Variants in BRIP1 observed in about 807,000 individuals in gnomAD.
BRIP1 encodes the protein BRCA1 interacting DNA helicase 1, also known as Fanconi anemia group J protein.
In BRIP1, 88 loss-of-function variants were observed where a neutral mutation model predicts 119.7. The observed-to-expected ratio is 0.74, with a 90% CI of 0.62 to 0.88. The LOEUF is 0.88. Among genes scored for constraint, BRIP1 ranks in the 40% least tolerant of loss-of-function variants. BRIP1 has a pLI of 0.00. For synonymous variants in BRIP1, 443 were observed against 496.5 expected (o/e 0.89, Z 1.43); for missense variants, 1,259 against 1,455.4 (o/e 0.87, Z 2.20).
rs1345765810 is a variant in BRIP1 at position 61,756,443 on chromosome 17, A to G, written c.2098-11852T>C. 1.3e-5 allele frequency among the ~76,000 whole-genome samples: 2 copies of G among 152,214 alleles called. No homozygotes were observed. The highest frequency in any genetic ancestry group is 2.1e-4 in the South Asian group (1 of 4,828). On this transcript the variant is annotated intron_variant, in intron 14 of 19. Transcript: ENST00000259008. The surrounding 1 kb of genome is among the most constrained non-coding windows in gnomAD (Gnocchi z 4.3). ...CTCATAAAGGGTAAATACTATTCATATAGGGAGACCAGCCAACATATAGTG... is the reference window on the plus strand; with the variant it reads ...CTCATAAAGGGTAAATACTATTCATGTAGGGAGACCAGCCAACATATAGTG...
chr17:61,750,220 G>GA (rs1209256698), intron 14 of BRIP1, among the ~76,000 whole-genome samples: 21 of 152,266 alleles, frequency 1.4e-4, no homozygotes, highest in Non-Finnish European at 2.6e-4. Flanking sequence ...TTTGTATCAT[G>GA]AAAGTGTGCT....
In BRIP1 at chr17:61,841,050, A is replaced by G. The variant is rs1375272732; in HGVS notation, c.627+6051T>C. Among the ~76,000 whole-genome samples, 2 of 152,174 alleles carry G rather than the reference A, an allele frequency of 1.3e-5. No homozygotes were observed. The highest frequency in any genetic ancestry group is 4.8e-5 in the African/African-American group (2 of 41,458). The stretch of plus-strand genomic sequence containing the variant: ...AGGAAAAAACTAGATCCCTCTCACC[A>G]TCTACAAAAACCAACTCAAAATAGA... On this transcript the variant is annotated intron_variant, in intron 6 of 19. Coordinates refer to ENST00000259008, the MANE Select transcript of BRIP1 (RefSeq NM_032043.3). The surrounding 1 kb of genome is among the most constrained non-coding windows in gnomAD (Gnocchi z 4.1).
At chr17:61,733,827 A>C (rs1035142933) in intron 16 of BRIP1, among the ~76,000 whole-genome samples, 2 of 148,596 alleles carry the variant, frequency 1.3e-5, no homozygotes, top group Admixed American at 6.7e-5. Flanking sequence ...ACCCACAAAT[A>C]TAAAATTTAT....
At position 61,857,361 on chromosome 17, in the gene BRIP1, G is replaced by T; in HGVS notation, c.206-130C>A. On this transcript the variant is annotated intron_variant, in intron 3 of 19. Coordinates refer to ENST00000259008, the MANE Select transcript of BRIP1 (RefSeq NM_032043.3). The surrounding 1 kb of genome is among the most constrained non-coding windows in gnomAD (Gnocchi z 5.1). ...GATTTTTAGGGCTAACACCAGGAAG[G>T]TACCTGGCAAACCTGGACAAGCTGG... 1 of 784,296 alleles carries T rather than the reference G, an allele frequency of 1.3e-6. No homozygotes were observed. Among genetic ancestry groups the T allele is most frequent in the Non-Finnish European group, 2.0e-6 (1 of 509,998 alleles). The allele number at this position is 784,296 out of a possible 1,614,324, so 48.6% of individuals were successfully genotyped here. A position where few individuals can be genotyped will look rare whatever the true frequency, so the allele number is the denominator to read the frequency against.
chr17:61,820,959 A>AAAAG (rs1429381717), intron 6 of BRIP1, among the ~76,000 whole-genome samples: 1 of 149,620 alleles, frequency 6.7e-6, no homozygotes, highest in Non-Finnish European at 1.5e-5. Context: ...TAAAAAAAAA[A>AAAAG]AAAGAAAGAA....
rs1429470561 is a variant in BRIP1 at position 61,852,647 on chromosome 17, G to A, written c.380-3391C>T. Among the ~76,000 whole-genome samples the A allele has an allele frequency of 2.0e-5, 3 of 152,062 alleles. No individual in the cohort carries two copies. The highest frequency in any genetic ancestry group is 7.2e-5 in the African/African-American group (3 of 41,414). On this transcript the variant is annotated intron_variant, in intron 4 of 19. Transcript: ENST00000259008. The surrounding 1 kb of genome is among the most constrained non-coding windows in gnomAD (Gnocchi z 4.9). ...CGCACCACTGCACTCTAGCCTGAGC[G>A]ACAGAGTGAGACCCCACCTCAAATA... is the stretch of plus-strand genomic sequence containing the variant.
intron 11 of BRIP1, among the ~76,000 whole-genome samples, chr17:61,782,118 G>A (rs1254226426): frequency 2.6e-5 from 4 of 151,872 alleles, no homozygotes; most frequent in Non-Finnish European, 5.9e-5. Flanking sequence ...GGGTGCGATG[G>A]CTCACGCCTG....
In BRIP1 at chr17:61,693,611, A is replaced by G; in HGVS notation, c.2493-99T>C. On this transcript the variant is annotated intron_variant, in intron 17 of 19. Transcript: ENST00000259008. This position sits in a 1 kb window ranked among gnomAD's most constrained non-coding sequence, Gnocchi z 4.2. The stretch of plus-strand genomic sequence containing the variant: ...AAAATTGGAAAAAAATCAATTTTAT[A>G]GATTCCTTTAAACAATTTGTTATTA... The G allele has an allele frequency of 1.0e-6, 1 of 969,042 alleles. No individual in the cohort carries two copies. The allele number at this position is 969,042 out of a possible 1,614,324, so 60.0% of individuals were successfully genotyped here. A position where few individuals can be genotyped will look rare whatever the true frequency, so the allele number is the denominator to read the frequency against.
chr17:61,759,068 A>G lies in BRIP1; in HGVS notation c.2098-14477T>C, dbSNP rs1051052497. Among the ~76,000 whole-genome samples, 4 of 150,880 alleles carry G rather than the reference A, an allele frequency of 2.7e-5. No homozygotes were observed. The highest frequency in any genetic ancestry group is 5.9e-5 in the Non-Finnish European group (4 of 67,586). ...TGGCAGTAATAACTCTTTACCTTTC[A>G]ATACCTACCTTGAATGTAAATGAAT... On this transcript the variant is annotated intron_variant, in intron 14 of 19. Transcript: ENST00000259008. This position sits in a 1 kb window ranked among gnomAD's most constrained non-coding sequence, Gnocchi z 4.9.
rs35622034 is a variant in BRIP1, at chr17:61,823,834, AT to A, written c.628-15078del. Among the ~76,000 whole-genome samples, 13 of 148,322 alleles carry A rather than the reference AT, an allele frequency of 8.8e-5. No individual in the cohort carries two copies. Among genetic ancestry groups the A allele is most frequent in the Non-Finnish European group, 1.5e-4 (10 of 66,738 alleles). ...TGCTGAAAGCAGAGATAAAAATAGA[AT>A]TTTTTTTTTTGAGACGGAGTTTCGC... On this transcript the variant is annotated intron_variant, in intron 6 of 19. Coordinates refer to ENST00000259008, the MANE Select transcript of BRIP1 (RefSeq NM_032043.3). The surrounding 1 kb of genome is among the most constrained non-coding windows in gnomAD (Gnocchi z 4.8).
At position 61,706,255 on chromosome 17, in the gene BRIP1, G is replaced by A. The variant is rs1338978941; in HGVS notation, c.2492+9696C>T. ...TAGATCATTGGTATTTTGAATTCTGGTCTCCTTTCTTAATCTACCTGCTAG... is the reference window on the plus strand; with the variant it reads ...TAGATCATTGGTATTTTGAATTCTGATCTCCTTTCTTAATCTACCTGCTAG... On this transcript the variant is annotated intron_variant, in intron 17 of 19. Coordinates refer to ENST00000259008, the MANE Select transcript of BRIP1 (RefSeq NM_032043.3). This position sits in a 1 kb window ranked among gnomAD's most constrained non-coding sequence, Gnocchi z 5.7. Among the ~76,000 whole-genome samples the A allele has an allele frequency of 2.0e-5, 3 of 151,852 alleles. No individual in the cohort carries two copies. The highest frequency in any genetic ancestry group is 2.9e-5 in the Non-Finnish European group (2 of 67,910).
At chr17:61,716,831 G>GAAATAATATGATTCCAA (rs371307141) in intron 16 of BRIP1, among the ~76,000 whole-genome samples, 1 of 150,208 alleles carries the variant, frequency 6.7e-6, no homozygotes, top group Non-Finnish European at 1.5e-5. Context: ...TCCACTACTG[G>GAAATAATATGATTCCAA]ATTATTAGCT....
chr17:61,694,816 G>T (rs1480631674), intron 17 of BRIP1, among the ~76,000 whole-genome samples: 1 of 151,470 alleles, frequency 6.6e-6, no homozygotes, highest in African/African-American at 2.4e-5. Flanking sequence ...CTGGCCATTT[G>T]TGTATCCTTT....
intron 14 of BRIP1, among the ~76,000 whole-genome samples, chr17:61,763,610 T>C (rs1441126308): frequency 1.3e-5 from 2 of 152,132 alleles, no homozygotes; most frequent in Non-Finnish European, 2.9e-5. Context: ...TGATATGAGC[T>C]CTAACCATTC....
intron 16 of BRIP1, among the ~76,000 whole-genome samples, chr17:61,732,967 A>G (rs1603300125): frequency 6.6e-6 from 1 of 152,172 alleles, no homozygotes; most frequent in Non-Finnish European, 1.5e-5. Context: ...GTGCTGGGAT[A>G]ACAGGCATAA....
Position 61,701,618 on chromosome 17 carries a change from C to T in BRIP1, c.2493-8106G>A, listed in dbSNP as rs115916159. ...CACTGGTCACATGCACTCTCCTACA[C>T]ATATGCATGGCCCACTAAAATCCCA... On this transcript the variant is annotated intron_variant, in intron 17 of 19. Transcript: ENST00000259008. The surrounding 1 kb of genome is among the most constrained non-coding windows in gnomAD (Gnocchi z 5.1). Among the ~76,000 whole-genome samples the T allele has an allele frequency of 5.4e-3, 826 of 152,338 alleles. 8 individuals carry two copies. The highest frequency in any genetic ancestry group is 0.019 in the African/African-American group (802 of 41,576).
At position 61,857,038 on chromosome 17, in the gene BRIP1, C is replaced by G. The variant is rs2078904977; in HGVS notation, c.379+20G>C. ...ACTCTTATTACAGATATCAACTGAC[C>G]CAGGCAAAATATAAATTACCTTGAC... On this transcript the variant is annotated intron_variant, in intron 4 of 19. Coordinates refer to ENST00000259008, the MANE Select transcript of BRIP1 (RefSeq NM_032043.3). The surrounding 1 kb of genome is among the most constrained non-coding windows in gnomAD (Gnocchi z 5.1). 1 of 1,611,086 alleles carries G rather than the reference C, an allele frequency of 6.2e-7. No individual in the cohort carries two copies. Among genetic ancestry groups the G allele is most frequent in the Non-Finnish European group, 8.5e-7 (1 of 1,177,456 alleles).
At position 61,794,173 on chromosome 17, in the gene BRIP1, C is replaced by CATTA. The variant is rs2077864645; in HGVS notation, c.1341-448_1341-445dup. On this transcript the variant is annotated intron_variant, in intron 9 of 19. Coordinates refer to ENST00000259008, the MANE Select transcript of BRIP1 (RefSeq NM_032043.3). The surrounding 1 kb of genome is among the most constrained non-coding windows in gnomAD (Gnocchi z 4.3). ...TCATTGATATATATACACATTCATA[C>CATTA]ATTAAGTGTTTGAATGCCTATTTTA... is the stretch of plus-strand genomic sequence containing the variant. 6.6e-6 allele frequency among the ~76,000 whole-genome samples: 1 copy of CATTA among 152,110 alleles called. No homozygotes were observed. The highest frequency in any genetic ancestry group is 6.6e-5 in the Admixed American group (1 of 15,256).
At chr17:61,733,123 T>G (rs1245704680) in intron 16 of BRIP1, among the ~76,000 whole-genome samples, 1 of 152,242 alleles carries the variant, frequency 6.6e-6, no homozygotes, top group Non-Finnish European at 1.5e-5. Context: ...TCCTTTGCAT[T>G]CCTGCCCTCA....
Sources: gnomAD v4.1 joint callset for allele counts (sites outside exome capture counted in the v4.1 genomes callset) on GRCh38, gnomAD v4.1.1 for gene constraint, Gnocchi (gnomAD v3.1) non-coding constraint, MANE v1.5 for transcripts, NCBI Gene and HGNC (gene_info 2026-07-23, HGNC 2026-07-21) for gene names.